Variants in TRDMT1 observed in about 807,000 individuals in gnomAD.
TRDMT1 encodes the protein tRNA aspartic acid methyltransferase 1, also known as tRNA (cytosine(38)-C(5))-methyltransferase.
Under a neutral mutation model 51.2 loss-of-function variants are expected in TRDMT1, and 49 were observed. The ratio of observed to expected loss-of-function variants is 0.96; its 90% CI spans 0.76 to 1.21. The LOEUF (loss-of-function observed/expected upper bound fraction) is 1.21. Ranked by LOEUF, TRDMT1 falls within the 50% of genes most tolerant of loss-of-function variation. The pLI is 0.00. For missense variants in TRDMT1, 534 were observed against 462.3 expected (o/e 1.16, Z -1.42); for synonymous variants, 187 against 164.6 (o/e 1.14, Z -1.04).
intron 10 of TRDMT1, among the ~76,000 whole-genome samples, chr10:17,149,763 C>T (rs1031057594): frequency 1.3e-5 from 2 of 152,108 alleles, no homozygotes; most frequent in Non-Finnish European, 2.9e-5. Context: ...TGGTTTCTTT[C>T]ACTAAACATG....
chr10:17,156,107 A>G (rs1462798566), intron 8 of TRDMT1, among the ~76,000 whole-genome samples: 1 of 152,222 alleles, frequency 6.6e-6, no homozygotes, highest in Non-Finnish European at 1.5e-5. Flanking sequence ...GGTACAGTGT[A>G]TCATACAAGA....
At chr10:17,159,895 A>G (rs192719003) in intron 6 of TRDMT1, among the ~76,000 whole-genome samples, 40 of 152,278 alleles carry the variant, frequency 2.6e-4, no homozygotes, top group Admixed American at 2.2e-3. Flanking sequence ...AGTGTTTTCA[A>G]CTTAATGTTA....
intron 2 of TRDMT1, among the ~76,000 whole-genome samples, chr10:17,173,359 TA>T (rs59696501): frequency 0.024 from 3,705 of 152,032 alleles, 134 homozygotes; most frequent in African/African-American, 0.082. Flanking sequence ...CACTCAACAA[TA>T]AAAAAGAGCA....
chr10:17,163,285 C>T (rs11254415), intron 3 of TRDMT1, among the ~76,000 whole-genome samples: 18,368 of 151,810 alleles, frequency 0.12, 1,290 homozygotes, highest in Admixed American at 0.16. Context: ...GAATTGAGCC[C>T]GAGCAGCAGG....
At chr10:17,170,207 A>AT (rs1258000314) in intron 2 of TRDMT1, among the ~76,000 whole-genome samples, 2 of 152,154 alleles carry the variant, frequency 1.3e-5, no homozygotes, top group African/African-American at 2.4e-5. Flanking sequence ...GAAAATAGTG[A>AT]TTTTTTTAAT....
In TRDMT1 at chr10:17,183,447, T is replaced by C. The variant is rs527871516; in HGVS notation, c.65-8787A>G. ...TTAGTTACTTTTTTGAGATGGACTC[T>C]TGCTCTGTCACCCAGGCTGGAGTGC... On this transcript the variant is annotated intron_variant, in intron 1 of 10. Coordinates refer to ENST00000377799, the MANE Select transcript of TRDMT1 (RefSeq NM_004412.7). Among the ~76,000 whole-genome samples, 3 of 152,278 alleles carry C rather than the reference T, an allele frequency of 2.0e-5. No individual in the cohort carries two copies. In the South Asian group the frequency reaches 6.2e-4, roughly 32 times the overall value.
chr10:17,144,127 T>G lies in TRDMT1; in HGVS notation c.*4913A>C, dbSNP rs1837905495. The G allele has an allele frequency of 2.0e-6, 2 of 985,430 alleles. No individual in the cohort carries two copies. Among genetic ancestry groups the G allele is most frequent in the African/African-American group, 1.7e-5 (1 of 57,340 alleles). 61.0% of individuals were successfully genotyped at this position (985,430 alleles called of 1,614,324 possible). A position where few individuals can be genotyped will look rare whatever the true frequency, so the allele number is the denominator to read the frequency against. The stretch of plus-strand genomic sequence containing the variant: ...AGAAAGAGACCTGAGGACGGAACCT[T>G]CAGATAAGTCAGCTCCAAGCCTCTG... On this transcript the variant is annotated 3_prime_UTR_variant, in exon 11 of 11. Coordinates refer to ENST00000377799, the MANE Select transcript of TRDMT1 (RefSeq NM_004412.7).
chr10:17,158,142 T>C (rs1318005103), intron 7 of TRDMT1, among the ~76,000 whole-genome samples: 2 of 152,178 alleles, frequency 1.3e-5, no homozygotes, highest in Non-Finnish European at 2.9e-5. Context: ...AAACATGTTT[T>C]GAATCAAGTT....
In TRDMT1 at chr10:17,148,663, A is replaced by C. The variant is rs1838321861; in HGVS notation, c.*377T>G. On this transcript the variant is annotated 3_prime_UTR_variant, in exon 11 of 11. Transcript: ENST00000377799. ...ATTATTTTAAAATTAGAAATAAAAA[A>C]CTTCTTTAATTAACATAAAAATATG... 1.0e-6 allele frequency: 1 copy of C among 967,602 alleles called. No individual in the cohort carries two copies. Among genetic ancestry groups the C allele is most frequent in the African/African-American group, 1.8e-5 (1 of 56,186 alleles). 59.9% of individuals were successfully genotyped at this position (967,602 alleles called of 1,614,324 possible). A position where few individuals can be genotyped will look rare whatever the true frequency, so the allele number is the denominator to read the frequency against.
Position 17,145,034 on chromosome 10 carries a change from G to A in TRDMT1, c.*4006C>T. 4.3e-6 allele frequency: 4 copies of A among 936,722 alleles called. No individual in the cohort carries two copies. Among genetic ancestry groups the A allele is most frequent in the Non-Finnish European group, 3.8e-6 (3 of 785,586 alleles). 58.0% of individuals were successfully genotyped at this position (936,722 alleles called of 1,614,324 possible). ...GAAGCCAAGGTGGGTGGATTAACTT[G>A]AGGTCAGGTGTTCGAGACCAGCCTG... On this transcript the variant is annotated 3_prime_UTR_variant, in exon 11 of 11. Coordinates refer to ENST00000377799, the MANE Select transcript of TRDMT1 (RefSeq NM_004412.7).
chr10:17,187,008 T>C (rs2131585564), intron 1 of TRDMT1, among the ~76,000 whole-genome samples: 1 of 152,336 alleles, frequency 6.6e-6, no homozygotes, highest in African/African-American at 2.4e-5. Flanking sequence ...CAGTGTTATG[T>C]CAGTGTTTAT....
In TRDMT1 at chr10:17,145,512, G is replaced by A. The variant is rs1564543095; in HGVS notation, c.*3528C>T. The stretch of plus-strand genomic sequence containing the variant: ...TACAAGAAAACTGCTGAGGCTATAT[G>A]ACCCTCACACAGTTTCAAAGTCCAA... On this transcript the variant is annotated 3_prime_UTR_variant, in exon 11 of 11. Coordinates refer to ENST00000377799, the MANE Select transcript of TRDMT1 (RefSeq NM_004412.7). The A allele has an allele frequency of 2.0e-6, 2 of 985,384 alleles. No homozygotes were observed. The highest frequency in any genetic ancestry group is 5.2e-4 in the Middle Eastern group (1 of 1,914). The allele number at this position is 985,384 out of a possible 1,614,324, so 61.0% of individuals were successfully genotyped here. A position where few individuals can be genotyped will look rare whatever the true frequency, so the allele number is the denominator to read the frequency against.
chr10:17,156,054 A>G (rs1487670584), intron 8 of TRDMT1, among the ~76,000 whole-genome samples: 1 of 152,200 alleles, frequency 6.6e-6, no homozygotes, highest in Non-Finnish European at 1.5e-5. Flanking sequence ...GTACAAGGGC[A>G]GAGTATAATA....
In TRDMT1 at chr10:17,148,254, TC is replaced by T. The variant is rs1838292236; in HGVS notation, c.*785del. 1 of 985,262 alleles carries T rather than the reference TC, an allele frequency of 1.0e-6. No individual in the cohort carries two copies. The highest frequency in any genetic ancestry group is 1.7e-5 in the African/African-American group (1 of 57,204). The allele number at this position is 985,262 out of a possible 1,614,324, so 61.0% of individuals were successfully genotyped here. On this transcript the variant is annotated 3_prime_UTR_variant, in exon 11 of 11. Coordinates refer to ENST00000377799, the MANE Select transcript of TRDMT1 (RefSeq NM_004412.7). The stretch of plus-strand genomic sequence containing the variant: ...TATGACATGGGATCAGAGGGCAGCT[TC>T]CTCCCTGAAATCTTAACGTCATGCT...
At chr10:17,198,034 CA>C (rs34756430) in intron 1 of TRDMT1, among the ~76,000 whole-genome samples, 41 of 139,212 alleles carry the variant, frequency 2.9e-4, no homozygotes, top group Admixed American at 2.9e-4. Context: ...AACTCCATCT[CA>C]AAAAAAAAAA....
rs1426209941 is a variant in TRDMT1, at chr10:17,141,668, C to G, written c.*7372G>C. 6.6e-6 allele frequency among the ~76,000 whole-genome samples: 1 copy of G among 152,168 alleles called. No individual in the cohort carries two copies. The highest frequency in any genetic ancestry group is 1.5e-5 in the Non-Finnish European group (1 of 68,036). Reference sequence around the variant, plus strand: ...TATCATTTAGATCAGGTAAATTCTACTGATCCGTCCTTAGGTTCACTGATT... The same window carrying G: ...TATCATTTAGATCAGGTAAATTCTAGTGATCCGTCCTTAGGTTCACTGATT... On this transcript the variant is annotated 3_prime_UTR_variant, in exon 11 of 11. Transcript: ENST00000377799.
At chr10:17,177,974 T>C (rs1842822064) in intron 1 of TRDMT1, among the ~76,000 whole-genome samples, 1 of 152,204 alleles carries the variant, frequency 6.6e-6, no homozygotes, top group African/African-American at 2.4e-5. Context: ...AAAATGTAAA[T>C]GTAAAGACGT....
chr10:17,176,227 CT>C (rs762132392), intron 1 of TRDMT1, among the ~76,000 whole-genome samples: 79 of 152,300 alleles, frequency 5.2e-4, no homozygotes, highest in South Asian at 1.9e-3. Context: ...TACTATTTTA[CT>C]GTTTTGTTAA....
At chr10:17,156,246 T>G (rs911917376) in intron 8 of TRDMT1, among the ~76,000 whole-genome samples, 1 of 152,160 alleles carries the variant, frequency 6.6e-6, no homozygotes, top group East Asian at 1.9e-4. Context: ...TTTCTTTTTT[T>G]TTTTTTGAGA....
Sources: gnomAD v4.1 joint callset for allele counts (sites outside exome capture counted in the v4.1 genomes callset) on GRCh38, gnomAD v4.1.1 for gene constraint, MANE v1.5 for transcripts, NCBI Gene and HGNC (gene_info 2026-07-23, HGNC 2026-07-21) for gene names.